Variants in AGAP1 observed in about 807,000 individuals in gnomAD.
The protein encoded by AGAP1 is ArfGAP with GTPase domain, ankyrin repeat and PH domain 1.
In AGAP1, 29 loss-of-function variants were observed where a neutral mutation model predicts 105.3. That is an observed-to-expected ratio of 0.28 (90% confidence interval 0.21 to 0.38). The LOEUF is 0.38. Ranked by LOEUF, AGAP1 falls within the 10% of genes least tolerant of loss-of-function variation. The pLI is 1.00. For synonymous variants in AGAP1, 509 were observed against 485.9 expected, an observed-to-expected ratio of 1.05 and a Z score of -0.63; for missense variants, 998 against 1,165.1, an observed-to-expected ratio of 0.86 and a Z score of 2.09.
chr2:235,536,194 T>C (rs1943215342), intron 1 of AGAP1, among the ~76,000 whole-genome samples: 2 of 41,976 alleles, frequency 4.8e-5, no homozygotes, highest in African/African-American at 1.6e-4. Flanking sequence ...GACCCCGGGG[T>C]TTGTGTGTGG....
chr2:235,562,827 T>C (rs1471787950), intron 1 of AGAP1, among the ~76,000 whole-genome samples: 1 of 151,634 alleles, frequency 6.6e-6, no homozygotes, highest in Non-Finnish European at 1.5e-5. Context: ...GAGACTGAGG[T>C]GGGAGGATTG....
chr2:235,808,498 G>A (rs1172001497), intron 9 of AGAP1, among the ~76,000 whole-genome samples: 1 of 152,194 alleles, frequency 6.6e-6, no homozygotes, highest in African/African-American at 2.4e-5. Context: ...AGAGGAAGGG[G>A]TTAAATAGGG....
chr2:235,508,410 G>T (rs927244313), intron 1 of AGAP1, among the ~76,000 whole-genome samples: 9 of 152,354 alleles, frequency 5.9e-5, no homozygotes, highest in Admixed American at 3.9e-4. Context: ...TCTCTCCGCA[G>T]TTCGCAGCTC....
chr2:235,698,997 C>T (rs147779696), intron 1 of AGAP1, among the ~76,000 whole-genome samples: 2 of 152,072 alleles, frequency 1.3e-5, no homozygotes, highest in African/African-American at 4.8e-5. Context: ...AGGGGAGCCC[C>T]GTGCCCATAC....
rs113142353 is a variant in AGAP1, at chr2:236,042,012, A to G, written c.1891+1171A>G. Among the ~76,000 whole-genome samples, 46 of 152,330 alleles carry G rather than the reference A, an allele frequency of 3.0e-4. No homozygotes were observed. The highest frequency in any genetic ancestry group is 5.6e-4 in the Non-Finnish European group (38 of 68,038). ...GAGATGCTTTTTGGGCTGGAAAACC[A>G]GTAGAAGCTAGTTGGAGTGTGAGTG... On this transcript the variant is annotated intron_variant, in intron 15 of 17. Transcript: ENST00000304032. This position sits in a 1 kb window ranked among gnomAD's most constrained non-coding sequence, Gnocchi z 5.6.
intron 9 of AGAP1, among the ~76,000 whole-genome samples, chr2:235,876,590 CT>C (rs1373972579): frequency 1.3e-5 from 2 of 152,184 alleles, no homozygotes; most frequent in African/African-American, 4.8e-5. Flanking sequence ...CCAAAGTCTT[CT>C]TTTCCCTCCT....
chr2:235,695,387 C>T (rs767186743), intron 1 of AGAP1, among the ~76,000 whole-genome samples: 4 of 152,224 alleles, frequency 2.6e-5, no homozygotes, highest in East Asian at 1.9e-4. Flanking sequence ...CCCCTACCCC[C>T]GTCCCTCAGA....
chr2:235,984,958 G>T (rs2055249801), intron 13 of AGAP1, among the ~76,000 whole-genome samples: 1 of 152,090 alleles, frequency 6.6e-6, no homozygotes, highest in Non-Finnish European at 1.5e-5. Flanking sequence ...ATTCCTTTGG[G>T]TATATACCTA....
chr2:236,074,816 A>T (rs1440164546), intron 16 of AGAP1, among the ~76,000 whole-genome samples: 1 of 152,170 alleles, frequency 6.6e-6, no homozygotes, highest in Non-Finnish European at 1.5e-5. Flanking sequence ...GCAATTTGAG[A>T]GGCTGAAGCA....
In AGAP1 at chr2:236,082,527, CAG is replaced by C. The variant is rs1202569126; in HGVS notation, c.2114+33247_2114+33248del. On this transcript the variant is annotated intron_variant, in intron 16 of 17. Transcript: ENST00000304032. The surrounding 1 kb of genome is among the most constrained non-coding windows in gnomAD (Gnocchi z 4.2). ...GGAAGATGGTTCCCAAAAGGCCTAT[CAG>C]GGGCAAACAGCTCACCTGCAGTGGT... Among the ~76,000 whole-genome samples the C allele has an allele frequency of 1.3e-5, 2 of 152,180 alleles. No individual in the cohort carries two copies. The highest frequency in any genetic ancestry group is 1.3e-4 in the Admixed American group (2 of 15,274).
rs574391891 is a variant in AGAP1, at chr2:235,609,854, G to A, written c.164-99325G>A. On this transcript the variant is annotated intron_variant, in intron 1 of 17. Transcript: ENST00000304032. The surrounding 1 kb of genome is among the most constrained non-coding windows in gnomAD (Gnocchi z 5.1). ...GATTGAAGGCGCAACTCTTGGCTTC[G>A]TGTTTCAGAGGTTGGTAAATGGAGT... 2.2e-4 allele frequency among the ~76,000 whole-genome samples: 34 copies of A among 152,222 alleles called. No homozygotes were observed. The highest frequency in any genetic ancestry group is 3.4e-3 in the Middle Eastern group (1 of 292).
intron 1 of AGAP1, among the ~76,000 whole-genome samples, chr2:235,567,258 C>G (rs1272636860): frequency 6.6e-6 from 1 of 152,234 alleles, no homozygotes; most frequent in Non-Finnish European, 1.5e-5. Context: ...CTGGTTTCAG[C>G]TGGAAGGATG....
At position 236,127,138 on chromosome 2, in the gene AGAP1, G is replaced by A. The variant is rs759613490; in HGVS notation, c.*3016G>A. 1.3e-5 allele frequency: 2 copies of A among 152,232 alleles called. No homozygotes were observed. Among genetic ancestry groups the A allele is most frequent in the African/African-American group, 2.4e-5 (1 of 41,458 alleles). The allele number at this position is 152,232 out of a possible 1,614,324, so 9.4% of individuals were successfully genotyped here. A position where few individuals can be genotyped will look rare whatever the true frequency, so the allele number is the denominator to read the frequency against. On this transcript the variant is annotated 3_prime_UTR_variant, in exon 18 of 18. Transcript: ENST00000304032. This position sits in a 1 kb window ranked among gnomAD's most constrained non-coding sequence, Gnocchi z 6.6. Reference sequence around the variant, plus strand: ...GTGATCTGGACACATCTGCACCCCCGCGTTCAGCTTCGCGGAGACTGAACT... The same window carrying A: ...GTGATCTGGACACATCTGCACCCCCACGTTCAGCTTCGCGGAGACTGAACT...
chr2:235,850,461 T>C (rs1369729246), intron 9 of AGAP1, among the ~76,000 whole-genome samples: 1 of 152,196 alleles, frequency 6.6e-6, no homozygotes. Context: ...TTATGCACCC[T>C]GGCAGGACAT....
At chr2:236,032,397 T>A (rs1156247358) in intron 13 of AGAP1, among the ~76,000 whole-genome samples, 2 of 152,108 alleles carry the variant, frequency 1.3e-5, no homozygotes, top group South Asian at 2.1e-4. Context: ...GTCTTCAGGG[T>A]GATCAAGCAT....
chr2:235,929,350 G>C (rs1228303346), intron 11 of AGAP1, among the ~76,000 whole-genome samples: 1 of 152,108 alleles, frequency 6.6e-6, no homozygotes, highest in Non-Finnish European at 1.5e-5. Flanking sequence ...CTGTAGGTCC[G>C]AAGACCACAA....
intron 1 of AGAP1, among the ~76,000 whole-genome samples, chr2:235,629,988 A>G (rs1044137411): frequency 6.6e-6 from 1 of 152,196 alleles, no homozygotes; most frequent in African/African-American, 2.4e-5. Context: ...ATCATCTTCA[A>G]AGCAGATGTT....
intron 9 of AGAP1, among the ~76,000 whole-genome samples, chr2:235,828,491 C>T (rs1959171087): frequency 6.6e-6 from 1 of 152,160 alleles, no homozygotes; most frequent in South Asian, 2.1e-4. Context: ...AACACTTATG[C>T]ATTGTATGGA....
At chr2:235,780,134 C>T (rs1348675572) in intron 6 of AGAP1, among the ~76,000 whole-genome samples, 2 of 152,178 alleles carry the variant, frequency 1.3e-5, no homozygotes, top group Non-Finnish European at 2.9e-5. Context: ...TCCACCCCTA[C>T]CTCCTGTTTT....
Sources: gnomAD v4.1 joint callset for allele counts (sites outside exome capture counted in the v4.1 genomes callset) on GRCh38, gnomAD v4.1.1 for gene constraint, Gnocchi (gnomAD v3.1) non-coding constraint, MANE v1.5 for transcripts, NCBI Gene and HGNC (gene_info 2026-07-23, HGNC 2026-07-21) for gene names.